The following ROBO2 variants were observed in gnomAD, a reference collection of about 807,000 sequenced individuals.
ROBO2 encodes roundabout homolog 2.
In ROBO2, 53 loss-of-function variants were observed where a neutral mutation model predicts 160.8. The ratio of observed to expected loss-of-function variants is 0.33; its 90% CI spans 0.26 to 0.41. ROBO2 has a LOEUF of 0.41. Ranked by LOEUF, ROBO2 falls within the 10% of genes least tolerant of loss-of-function variation. ROBO2 has a pLI of 1.00. For synonymous variants in ROBO2, 664 were observed against 611.7 expected, an observed-to-expected ratio of 1.09 and a Z score of -1.26; for missense variants, 1,577 against 1,722.4, an observed-to-expected ratio of 0.92 and a Z score of 1.49.
chr3:77,041,654 T>C (rs7609921), intron 1 of ROBO2, among the ~76,000 whole-genome samples: 152,314 of 152,316 alleles, frequency 1, 76,156 homozygotes, highest in Middle Eastern at 1. Context: ...TTTTTTGTGG[T>C]TCTTTTGAAT....
chr3:76,847,254 G>A (rs1042844442), intron 2 of ROBO2, among the ~76,000 whole-genome samples: 1 of 152,100 alleles, frequency 6.6e-6, no homozygotes, highest in Non-Finnish European at 1.5e-5. Context: ...GGTTTGAAGG[G>A]CATGGGGCAG....
At position 77,612,765 on chromosome 3, in the gene ROBO2, T is replaced by C. The variant is rs548436087; in HGVS notation, c.3294-4748T>C. Among the ~76,000 whole-genome samples, 9 of 152,120 alleles carry C rather than the reference T, an allele frequency of 5.9e-5. No homozygotes were observed. In the South Asian group the frequency reaches 1.5e-3, roughly 25 times the overall value. On this transcript the variant is annotated intron_variant, in intron 21 of 25. Coordinates refer to ENST00000461745, the Ensembl canonical transcript of ROBO2. The stretch of plus-strand genomic sequence containing the variant: ...ATCGTGACCATCCTGGCTAACATGG[T>C]GAAACCCCGTCTCTACTAAAAATGC...
intron 1 of ROBO2, among the ~76,000 whole-genome samples, chr3:75,911,999 A>C (rs889802640): frequency 1.3e-5 from 2 of 152,160 alleles, no homozygotes; most frequent in Non-Finnish European, 2.9e-5. Flanking sequence ...TTGTCCTCCC[A>C]TATATTACTA....
intron 2 of ROBO2, among the ~76,000 whole-genome samples, chr3:76,274,008 C>A (rs1038715377): frequency 4.6e-5 from 7 of 152,072 alleles, no homozygotes; most frequent in African/African-American, 1.7e-4. Context: ...CAAGAGGGGA[C>A]AGAACGCACT....
At chr3:77,005,932 T>C (rs919788872) in intron 2 of ROBO2, among the ~76,000 whole-genome samples, 1 of 152,182 alleles carries the variant, frequency 6.6e-6, no homozygotes, top group African/African-American at 2.4e-5. Context: ...TTTTAATGAG[T>C]CAATTATTAG....
chr3:76,181,387 A>T (rs916323008), intron 2 of ROBO2, among the ~76,000 whole-genome samples: 1 of 132,826 alleles, frequency 7.5e-6, no homozygotes, highest in African/African-American at 2.5e-5. Context: ...AATTAAAAGA[A>T]AGGAAATTCA....
At chr3:76,188,988 C>A (rs1701886791) in intron 2 of ROBO2, among the ~76,000 whole-genome samples, 1 of 151,998 alleles carries the variant, frequency 6.6e-6, no homozygotes, top group African/African-American at 2.4e-5. Flanking sequence ...ATCTTGTAAT[C>A]CGTGGAAGCA....
chr3:77,535,331 A>G (rs2092024904), intron 6 of ROBO2, among the ~76,000 whole-genome samples: 1 of 151,910 alleles, frequency 6.6e-6, no homozygotes, highest in African/African-American at 2.4e-5. Context: ...GCAAGTTGAC[A>G]GGTTAAGTGA....
intron 2 of ROBO2, among the ~76,000 whole-genome samples, chr3:76,639,184 A>G (rs996334950): frequency 6.6e-6 from 1 of 151,906 alleles, no homozygotes; most frequent in Non-Finnish European, 1.5e-5. Flanking sequence ...ATATATGTAT[A>G]CATGTGTATA....
At chr3:76,802,588 G>A (rs890904262) in intron 2 of ROBO2, among the ~76,000 whole-genome samples, 1 of 152,006 alleles carries the variant, frequency 6.6e-6, no homozygotes, top group Non-Finnish European at 1.5e-5. Context: ...AATTAGCCGG[G>A]CGTGGTGGCG....
At chr3:77,276,914 A>G (rs1161304869) in intron 2 of ROBO2, among the ~76,000 whole-genome samples, 1 of 152,108 alleles carries the variant, frequency 6.6e-6, no homozygotes, top group African/African-American at 2.4e-5. Context: ...CAGATCTCAT[A>G]AGACGCATTT....
chr3:77,351,158 T>C (rs1331383649), intron 2 of ROBO2, among the ~76,000 whole-genome samples: 2 of 152,184 alleles, frequency 1.3e-5, no homozygotes, highest in Admixed American at 6.5e-5. Context: ...CCTTGGAAGA[T>C]AAATCTTAGG....
intron 1 of ROBO2, among the ~76,000 whole-genome samples, chr3:75,913,196 G>A (rs1017375479): frequency 6.6e-6 from 1 of 151,988 alleles, no homozygotes; most frequent in African/African-American, 2.4e-5. Context: ...TCTCCGCATT[G>A]TCTCCTCCTT....
intron 2 of ROBO2, among the ~76,000 whole-genome samples, chr3:76,773,497 T>A (rs970797009): frequency 6.6e-6 from 1 of 150,908 alleles, no homozygotes; most frequent in African/African-American, 2.4e-5. Flanking sequence ...CATTAACATA[T>A]GTCATTCCTG....
chr3:76,809,372 T>G (rs890077176), intron 2 of ROBO2, among the ~76,000 whole-genome samples: 1 of 152,198 alleles, frequency 6.6e-6, no homozygotes, highest in Non-Finnish European at 1.5e-5. Flanking sequence ...TTTCCACTGA[T>G]AGGTGGTGCT....
At chr3:77,401,899 C>T (rs1047001148) in intron 2 of ROBO2, among the ~76,000 whole-genome samples, 3 of 152,136 alleles carry the variant, frequency 2.0e-5, no homozygotes, top group East Asian at 3.9e-4. Context: ...TAAAAGCATT[C>T]CTGTTTCTCC....
rs1313468402 is a variant in ROBO2 at position 76,798,240 on chromosome 3, AAAAAG to A, written c.110-299771_110-299767del. 9.9e-4 allele frequency among the ~76,000 whole-genome samples: 133 copies of A among 134,386 alleles called. 1 individual carries two copies. The highest frequency in any genetic ancestry group is 3.5e-3 in the African/African-American group (128 of 37,014). The allele number at this position is 134,386 out of a possible 152,430, so 88.2% of individuals were successfully genotyped here. The stretch of plus-strand genomic sequence containing the variant: ...AAAAGAAAGAAAGAGAAAGAAAGAA[AAAAAG>A]AAGAAAGAAAGAAGGAAAGAAAGAA... On this transcript the variant is annotated intron_variant, in intron 2 of 26. Transcript: ENST00000487694.
chr3:77,066,937 A>C (rs889376684), intron 1 of ROBO2, among the ~76,000 whole-genome samples: 1 of 151,758 alleles, frequency 6.6e-6, no homozygotes, highest in African/African-American at 2.4e-5. Context: ...ATTTGCTTTT[A>C]GTTTAAATAT....
At chr3:76,586,423 A>G (rs1292693853) in intron 2 of ROBO2, among the ~76,000 whole-genome samples, 1 of 152,230 alleles carries the variant, frequency 6.6e-6, no homozygotes, top group African/African-American at 2.4e-5. Flanking sequence ...TTCAGAAATT[A>G]GTTCTAGTTC....
Sources: gnomAD v4.1 joint callset for allele counts (sites outside exome capture counted in the v4.1 genomes callset) on GRCh38, gnomAD v4.1.1 for gene constraint, MANE v1.5 for transcripts, NCBI Gene and HGNC (gene_info 2026-07-23, HGNC 2026-07-21) for gene names.